CACNA1S: variants seen among roughly 807,000 people sequenced by gnomAD.
The protein encoded by CACNA1S is calcium voltage-gated channel subunit alpha1 S, also known as voltage-dependent L-type calcium channel subunit alpha-1S.
A neutral mutation model predicts 207.4 loss-of-function variants in CACNA1S; 126 were observed. The observed-to-expected ratio is 0.61, with a 90% CI of 0.53 to 0.70. CACNA1S has a LOEUF of 0.70. CACNA1S is among the 30% of genes least tolerant of loss of function. CACNA1S has a pLI of 0.00. For missense variants in CACNA1S, 2,349 were observed against 2,422.8 expected, an observed-to-expected ratio of 0.97 and a Z score of 0.64; for synonymous variants, 960 against 932.7, an observed-to-expected ratio of 1.03 and a Z score of -0.53.
rs756881830 is a variant in CACNA1S at position 201,091,749 on chromosome 1, G to A, written c.585C>T (p.Pro195=). The change falls in exon 5 of 44, where the codon CCC becomes CCT. Residue 195 remains proline, a synonymous_variant. Coordinates refer to ENST00000362061, the MANE Select transcript of CACNA1S (RefSeq NM_000069.3). ...GGACCAGCAGGGCGATGTGAAAGAG[G>A]GGGAGCATGGCCTTGAAGATGGAGT... ...VLNSIFKAML[P]LFHIALLVLF... is the part of the protein sequence containing the mutation. 2 of 1,614,118 alleles carry A rather than the reference G, an allele frequency of 1.2e-6. No homozygotes were observed. The highest frequency in any genetic ancestry group is 3.3e-5 in the Admixed American group (2 of 60,030).
intron 2 of CACNA1S, among the ~76,000 whole-genome samples, chr1:201,100,687 G>A (rs1449457378): frequency 6.6e-6 from 1 of 152,178 alleles, no homozygotes; most frequent in Non-Finnish European, 1.5e-5. Context: ...GGTCCCAGTA[G>A]GGCTCTGCAT....
Position 201,047,579 on chromosome 1 carries a change from T to C in CACNA1S, c.4489A>G (p.Ile1497Val). 6.2e-7 allele frequency: 1 copy of C among 1,614,196 alleles called. No individual in the cohort carries two copies. Among genetic ancestry groups the C allele is most frequent in the South Asian group, 1.1e-5 (1 of 91,072 alleles). ...AGCTTCATGCTGGTTCTCTTCCAGA[T>C]CTTCTTGATGATGGCCCTCAGCTCC... ...NEELRAIIKKIWKRTSMKLLD... is the reference protein window; with the variant it reads ...NEELRAIIKKVWKRTSMKLLD... Residue 1497 changes from isoleucine to valine, a missense_variant, in exon 37 of 44, where the codon ATC becomes GTC. Coordinates refer to ENST00000362061, the MANE Select transcript of CACNA1S (RefSeq NM_000069.3).
In CACNA1S at chr1:201,053,494, G is replaced by T; in HGVS notation, c.3760C>A (p.Arg1254=). ...IKLLSRAEGV[R]TLLWTFIKSF... is the part of the protein sequence containing the mutation. ...TTGATGAACGTCCACAGGAGGGTTC[G>T]CACTCCTTCTGCCCGGCTCAGCAGC... Residue 1254 remains arginine, a synonymous_variant, in exon 30 of 44, where the codon CGA becomes AGA. Coordinates refer to ENST00000362061, the MANE Select transcript of CACNA1S (RefSeq NM_000069.3). The surrounding 1 kb of genome is among the most constrained non-coding windows in gnomAD (Gnocchi z 5.1). 4 of 1,614,148 alleles carry T rather than the reference G, an allele frequency of 2.5e-6. No homozygotes were observed. In the South Asian group the frequency reaches 4.4e-5, roughly 18 times the overall value.
At chr1:201,089,528 G>A (rs1240071023) in intron 5 of CACNA1S, 65 bp from the exon 6 acceptor site, 8 of 1,474,394 alleles carry the variant, frequency 5.4e-6, no homozygotes, top group Non-Finnish European at 7.5e-6. Context: ...AGGAGGAAAG[G>A]TGTATAAGAG....
At chr1:201,085,383 A>T in intron 8 of CACNA1S, 53 bp downstream of exon 8, 1 of 1,611,196 alleles carries the variant, frequency 6.2e-7, no homozygotes, top group Non-Finnish European at 8.5e-7. Flanking sequence ...TATGACTCAG[A>T]GGTGGGAGTG....
chr1:201,073,788 G>T, intron 14 of CACNA1S, 146 bp from the exon 15 acceptor site: 1 of 777,666 alleles, frequency 1.3e-6, no homozygotes, highest in South Asian at 1.4e-5. Context: ...GGGAAGGGCA[G>T]TGGGCTCAGG....
At chr1:201,088,164 C>G (rs559427080) in intron 6 of CACNA1S, among the ~76,000 whole-genome samples, 27 of 152,256 alleles carry the variant, frequency 1.8e-4, no homozygotes, top group Admixed American at 5.9e-4. Flanking sequence ...CTACCTGGCC[C>G]GGGCAAGACT....
Position 201,039,611 on chromosome 1 carries a change from C to T in CACNA1S, c.*220G>A, listed in dbSNP as rs1660036734. On this transcript the variant is annotated 3_prime_UTR_variant, in exon 44 of 44. Transcript: ENST00000362061. ...AGGCCTTTTTGAATGACATTAGAAGCTCCATCCAATCATGCCTCTTGCTGG... is the reference window on the plus strand; with the variant it reads ...AGGCCTTTTTGAATGACATTAGAAGTTCCATCCAATCATGCCTCTTGCTGG... The T allele has an allele frequency of 3.2e-6, 2 of 619,840 alleles. No homozygotes were observed. Among genetic ancestry groups the T allele is most frequent in the Admixed American group, 2.8e-5 (1 of 35,672 alleles). 38.4% of individuals were successfully genotyped at this position (619,840 alleles called of 1,614,324 possible). A position where few individuals can be genotyped will look rare whatever the true frequency, so the allele number is the denominator to read the frequency against.
intron 10 of CACNA1S, among the ~76,000 whole-genome samples, chr1:201,078,501 A>G (rs1404459750): frequency 8.4e-6 from 1 of 119,428 alleles, no homozygotes; most frequent in Non-Finnish European, 1.7e-5. Flanking sequence ...TGCCCAGCGA[A>G]TTTTTAAATT....
chr1:201,042,666 G>C (rs771313307), intron 40 of CACNA1S, among the ~76,000 whole-genome samples: 3 of 152,238 alleles, frequency 2.0e-5, no homozygotes, highest in Non-Finnish European at 2.9e-5. Context: ...GCTGGCTGCT[G>C]CCTTGTTCTG....
intron 10 of CACNA1S, among the ~76,000 whole-genome samples, chr1:201,079,282 A>C (rs1377810521): frequency 1.3e-5 from 2 of 151,400 alleles, no homozygotes. Context: ...CCTCATCCCT[A>C]CCTGGATGCA....
chr1:201,040,752 A>T, intron 41 of CACNA1S, 39 bp from the exon 42 acceptor site: 12 of 1,534,962 alleles, frequency 7.8e-6, no homozygotes, highest in Non-Finnish European at 1.1e-5. Context: ...GGGGCTGCTG[A>T]CTCCTGCCAG....
chr1:201,043,623 A>G, intron 39 of CACNA1S, 92 bp from the exon 40 acceptor site: 2 of 1,181,750 alleles, frequency 1.7e-6, no homozygotes, highest in South Asian at 1.3e-5. Flanking sequence ...GGAACAAGCA[A>G]TAGTATTGGG....
intron 17 of CACNA1S, 97 bp from the exon 18 acceptor site, chr1:201,069,698 C>T: frequency 7.1e-7 from 1 of 1,403,926 alleles, no homozygotes; most frequent in East Asian, 2.5e-5. Context: ...GAATACACCT[C>T]CTGCTCCTCC....
At chr1:201,107,588 T>A (rs1662941366) in intron 2 of CACNA1S, among the ~76,000 whole-genome samples, 2 of 152,228 alleles carry the variant, frequency 1.3e-5, no homozygotes, top group South Asian at 4.1e-4. Flanking sequence ...AGGTCATGAA[T>A]AATTAAACCT....
At position 201,064,144 on chromosome 1, in the gene CACNA1S, G is replaced by A. The variant is rs373082317; in HGVS notation, c.2854-1630C>T. ...CGGCTCATTCATTCCTTCAGGGAGC[G>A]TGTCTGGTGGGCCTCCTCTGCACCA... is the stretch of plus-strand genomic sequence containing the variant. On this transcript the variant is annotated intron_variant, in intron 22 of 43. Coordinates refer to ENST00000362061, the MANE Select transcript of CACNA1S (RefSeq NM_000069.3). Among the ~76,000 whole-genome samples the A allele has an allele frequency of 1.5e-4, 23 of 152,346 alleles. 1 individual carries two copies. In the East Asian group the frequency reaches 1.5e-3, roughly 10 times the overall value.
intron 5 of CACNA1S, 26 bp downstream of exon 5, chr1:201,091,614 C>T (rs376905800): frequency 6.2e-7 from 1 of 1,614,018 alleles, no homozygotes; most frequent in Non-Finnish European, 8.5e-7. Flanking sequence ...CCCTGCCCCA[C>T]AGCCCCACTT....
chr1:201,044,408 T>A lies in CACNA1S; in HGVS notation c.4717A>T (p.Thr1573Ser), dbSNP rs147007610. The part of the protein sequence containing the change: ...EEEAAPEICR[T>S]VSGDLAAEEE... ...TCAGCAGCCAGGTCTCCTGAGACCG[T>A]GCGACAGATCTCGGGGGCTGCCTCT... The change falls in exon 39 of 44, where the codon ACG (threonine) becomes TCG (serine). Residue 1573 changes from threonine to serine, a missense_variant. Coordinates refer to ENST00000362061, the MANE Select transcript of CACNA1S (RefSeq NM_000069.3). The A allele has an allele frequency of 1.1e-5, 17 of 1,613,538 alleles. No individual in the cohort carries two copies. The Middle Eastern group carries it at 1.2e-3, about 109-fold the overall frequency.
rs1033215974 is a variant in CACNA1S at position 201,040,793 on chromosome 1, T to A, written c.5135-80A>T. On this transcript the variant is annotated intron_variant, in intron 41 of 43. Coordinates refer to ENST00000362061, the MANE Select transcript of CACNA1S (RefSeq NM_000069.3). ...CTGAGTCAACAGAGGCTCGCTTGGC[T>A]GGCTAGCCACACTCTGTGAGAGCTC... is the stretch of plus-strand genomic sequence containing the variant. The A allele has an allele frequency of 3.7e-5, 40 of 1,088,634 alleles. No individual in the cohort carries two copies. In the African/African-American group the frequency reaches 5.2e-4, roughly 14 times the overall value. The allele number at this position is 1,088,634 out of a possible 1,614,324, so 67.4% of individuals were successfully genotyped here.
Sources: allele counts gnomAD v4.1 joint callset (sites outside exome capture counted in the v4.1 genomes callset), GRCh38; gene constraint gnomAD v4.1.1; non-coding constraint Gnocchi (gnomAD v3.1); transcripts MANE v1.5; gene names NCBI Gene and HGNC (gene_info 2026-07-23, HGNC 2026-07-21).